SYNE2: variants seen among roughly 807,000 people sequenced by gnomAD.
SYNE2 encodes spectrin repeat containing nuclear envelope protein 2, also known as nesprin-2.
Under a neutral mutation model 856.3 loss-of-function variants are expected in SYNE2, and 431 were observed. That is an observed-to-expected ratio of 0.50 (90% CI 0.47 to 0.55). The LOEUF (loss-of-function observed/expected upper bound fraction) is 0.55, where lower values mean the gene tolerates loss of function less well. Ranked by LOEUF, SYNE2 falls within the 20% of genes least tolerant of loss-of-function variation. SYNE2 has a pLI of 0.00. For missense variants in SYNE2, 8,129 were observed against 8,023.2 expected, an observed-to-expected ratio of 1.01 and a Z score of -0.50; for synonymous variants, 2,923 against 2,872.3, an observed-to-expected ratio of 1.02 and a Z score of -0.56.
At chr14:63,842,687 TGACCTCAAATGACCC>T (rs1198623655) in intron 1 of SYNE2, among the ~76,000 whole-genome samples, 2 of 152,108 alleles carry the variant, frequency 1.3e-5, no homozygotes, top group Non-Finnish European at 2.9e-5. Flanking sequence ...CTGGAACTCC[TGACCTCAAATGACCC>T]GCCGGCCTCG....
chr14:63,862,170 T>C (rs1893911226), intron 1 of SYNE2, among the ~76,000 whole-genome samples: 1 of 152,264 alleles, frequency 6.6e-6, no homozygotes, highest in African/African-American at 2.4e-5. Context: ...CTGGTTTCCC[T>C]TACATTATAG....
intron 60 of SYNE2, among the ~76,000 whole-genome samples, chr14:64,092,865 G>A (rs578261175): frequency 1.9e-4 from 29 of 152,340 alleles, no homozygotes; most frequent in African/African-American, 7.0e-4. Context: ...ACCAGGTGAA[G>A]ATGAGTCTGG....
chr14:63,922,545 A>G (rs902984676), intron 2 of SYNE2, among the ~76,000 whole-genome samples: 2 of 152,178 alleles, frequency 1.3e-5, no homozygotes, highest in African/African-American at 4.8e-5. Context: ...GCTCACGTGT[A>G]TAATCCTAGC....
intron 93 of SYNE2, among the ~76,000 whole-genome samples, chr14:64,169,907 T>A (rs373141163): frequency 9.5e-4 from 145 of 152,354 alleles, no homozygotes; most frequent in African/African-American, 3.4e-3. Context: ...TCTGTTTCCC[T>A]TTGATCCAGT....
At chr14:64,042,293 CAT>C (rs1454336953) in intron 45 of SYNE2, among the ~76,000 whole-genome samples, 2 of 152,108 alleles carry the variant, frequency 1.3e-5, no homozygotes, top group African/African-American at 4.8e-5. Context: ...TGAATACTAA[CAT>C]ATGTAGTGAA....
intron 8 of SYNE2, among the ~76,000 whole-genome samples, 191 bp downstream of exon 8, chr14:63,955,106 G>A (rs897454344): frequency 4.6e-5 from 7 of 152,174 alleles, no homozygotes; most frequent in African/African-American, 1.7e-4. Flanking sequence ...AATTATAGGG[G>A]AAGCCACAGC....
chr14:63,995,120 T>A lies in SYNE2; in HGVS notation c.2858T>A (p.Ile953Asn), dbSNP rs756623151. ...GAAAAAGGAAAGCTTAGTGACAATATTTTAAAACTTGAAAAGCAAATAAAT... is the reference window on the plus strand; with the variant it reads ...GAAAAAGGAAAGCTTAGTGACAATAATTTAAAACTTGAAAAGCAAATAAAT... ...DIEKGKLSDNILKLEKQINKE... is the reference protein window; with the variant it reads ...DIEKGKLSDNNLKLEKQINKE... The change falls in exon 23 of 116, where the codon ATT becomes AAT. Residue 953 changes from isoleucine to asparagine, a missense_variant. Coordinates refer to ENST00000555002, the MANE Select transcript of SYNE2 (RefSeq NM_182914.3). 6.2e-6 allele frequency: 10 copies of A among 1,600,010 alleles called. No homozygotes were observed. The African/African-American group carries it at 1.1e-4, about 17-fold the overall frequency.
intron 27 of SYNE2, 62 bp from the exon 28 acceptor site, chr14:64,000,500 A>T: frequency 1.4e-6 from 2 of 1,448,402 alleles, no homozygotes; most frequent in African/African-American, 2.8e-5. Flanking sequence ...ATGTTTTAAG[A>T]ACAGAATAAT....
At chr14:63,778,792 G>T (rs1375876111) in intron 1 of SYNE2, among the ~76,000 whole-genome samples, 1 of 152,048 alleles carries the variant, frequency 6.6e-6, no homozygotes, top group African/African-American at 2.4e-5. Flanking sequence ...CAAAATTACA[G>T]ATTTGAGCCA....
At chr14:63,768,132 A>G (rs1361091062) in intron 1 of SYNE2, among the ~76,000 whole-genome samples, 1 of 152,060 alleles carries the variant, frequency 6.6e-6, no homozygotes, top group Admixed American at 6.6e-5. Flanking sequence ...TCGAGACTGC[A>G]GTAGCCATGA....
intron 2 of SYNE2, among the ~76,000 whole-genome samples, chr14:63,921,351 A>G (rs921888660): frequency 6.6e-6 from 1 of 152,160 alleles, no homozygotes; most frequent in African/African-American, 2.4e-5. Flanking sequence ...GCTGAAGGTA[A>G]ATACTTGGGA....
intron 19 of SYNE2, among the ~76,000 whole-genome samples, chr14:63,989,628 G>A (rs1166434971): frequency 6.6e-6 from 1 of 151,668 alleles, no homozygotes; most frequent in Non-Finnish European, 1.5e-5. Context: ...ATGAGCCACC[G>A]GCAGTTTTAT....
At position 63,868,721 on chromosome 14, in the gene SYNE2, CATGTGTGCGTGTGTGTGT is replaced by C. The variant is rs113868897; in HGVS notation, c.-52+15586_-52+15603del. On this transcript the variant is annotated intron_variant, in intron 1 of 115. Coordinates refer to ENST00000555002, the MANE Select transcript of SYNE2 (RefSeq NM_182914.3). ...GGGGAAGGGCTTTTGCCTATGTGTG[CATGTGTGCGTGTGTGTGT>C]ATGTGTGTGTGCTGGGGTTTTTGTA... 8.8e-4 allele frequency among the ~76,000 whole-genome samples: 133 copies of C among 151,812 alleles called. 1 individual carries two copies. The highest frequency in any genetic ancestry group is 3.0e-3 in the African/African-American group (125 of 41,238).
At chr14:63,819,928 A>G (rs961497249) in intron 1 of SYNE2, among the ~76,000 whole-genome samples, 1 of 152,226 alleles carries the variant, frequency 6.6e-6, no homozygotes, top group Non-Finnish European at 1.5e-5. Flanking sequence ...ATCAAAACAT[A>G]TAAAATGCTT....
chr14:64,093,979 A>G (rs2153630839), intron 61 of SYNE2, among the ~76,000 whole-genome samples: 1 of 152,324 alleles, frequency 6.6e-6, no homozygotes. Flanking sequence ...TATTGTAATG[A>G]AGAATTCCAT....
chr14:63,927,164 G>A (rs1203522237), intron 2 of SYNE2, among the ~76,000 whole-genome samples: 2 of 152,144 alleles, frequency 1.3e-5, no homozygotes, highest in African/African-American at 4.8e-5. Context: ...TCTAACAATC[G>A]AGTAATTCGG....
Position 63,921,108 on chromosome 14 carries a change from C to G in SYNE2, c.79+11881C>G, listed in dbSNP as rs529110876. Among the ~76,000 whole-genome samples, 7 of 151,944 alleles carry G rather than the reference C, an allele frequency of 4.6e-5. No homozygotes were observed. The South Asian group carries it at 1.5e-3, about 32-fold the overall frequency. On this transcript the variant is annotated intron_variant, in intron 2 of 115. Transcript: ENST00000555002. ...CCAGCCTGGGGGACAGAGCGAGACT[C>G]TGTCTCAAAAATAAATAAATAGAAA... is the stretch of plus-strand genomic sequence containing the variant.
intron 58 of SYNE2, 104 bp from the exon 59 acceptor site, chr14:64,089,470 C>A (rs1567261626): frequency 3.0e-6 from 3 of 987,540 alleles, no homozygotes; most frequent in Non-Finnish European, 4.3e-6. Context: ...AGATGGCAGA[C>A]ATTATTTGGC....
At chr14:64,068,268 C>T (rs1439133567) in intron 51 of SYNE2, among the ~76,000 whole-genome samples, 3 of 152,284 alleles carry the variant, frequency 2.0e-5, no homozygotes, top group Non-Finnish European at 4.4e-5. Flanking sequence ...AAGTTTCCCT[C>T]GTTCCTCTTT....
Sources: allele counts gnomAD v4.1 joint callset (sites outside exome capture counted in the v4.1 genomes callset), GRCh38; gene constraint gnomAD v4.1.1; transcripts MANE v1.5; gene names NCBI Gene and HGNC (gene_info 2026-07-23, HGNC 2026-07-21).